CPEB3: variants seen among roughly 807,000 people sequenced by gnomAD.
The protein encoded by CPEB3 is cytoplasmic polyadenylation element-binding protein 3.
Under a neutral mutation model 67.2 loss-of-function variants are expected in CPEB3, and 20 were observed. That is an observed-to-expected ratio of 0.30 (90% confidence interval 0.21 to 0.43). The LOEUF is 0.43. CPEB3 is among the 20% of genes least tolerant of loss of function. The pLI, the probability that CPEB3 is intolerant of heterozygous loss-of-function variation, is 1.00. For missense variants in CPEB3, 746 were observed against 968.6 expected (o/e 0.77, Z 3.05); for synonymous variants, 376 against 393.1 (o/e 0.96, Z 0.51).
intron 4 of CPEB3, among the ~76,000 whole-genome samples, chr10:92,178,843 C>T (rs1250065830): frequency 2.0e-5 from 3 of 152,006 alleles, no homozygotes; most frequent in Non-Finnish European, 1.5e-5. Flanking sequence ...TGGCAGGTCC[C>T]ACAAGTACCT....
chr10:92,046,934 T>G lies in CPEB3; in HGVS notation c.*5278A>C, dbSNP rs1417350845. ...CAATACATTTAAAATTAGTTGTTAGTTGAAAAACAAATACAGAGATCCTAG... is the reference window on the plus strand; with the variant it reads ...CAATACATTTAAAATTAGTTGTTAGGTGAAAAACAAATACAGAGATCCTAG... On this transcript the variant is annotated 3_prime_UTR_variant, in exon 10 of 10. Transcript: ENST00000265997. 1 of 152,218 alleles carries G rather than the reference T, an allele frequency of 6.6e-6. No individual in the cohort carries two copies. The highest frequency in any genetic ancestry group is 6.5e-5 in the Admixed American group (1 of 15,282). The allele number at this position is 152,218 out of a possible 1,614,324, so 9.4% of individuals were successfully genotyped here.
rs146855379 is a variant in CPEB3, at chr10:92,103,777, T to C, written c.1572+7299A>G. Among the ~76,000 whole-genome samples, 276 of 152,372 alleles carry C rather than the reference T, an allele frequency of 1.8e-3. 1 individual carries two copies. Among genetic ancestry groups the C allele is most frequent in the African/African-American group, 6.4e-3 (268 of 41,584 alleles). On this transcript the variant is annotated intron_variant, in intron 7 of 9. Coordinates refer to ENST00000265997, the MANE Select transcript of CPEB3 (RefSeq NM_014912.5). ...GTGAAACTAGCACTGTATCCAGCTATTTTAACTTTCAGGTTCACAGTCTCA... is the reference window on the plus strand; with the variant it reads ...GTGAAACTAGCACTGTATCCAGCTACTTTAACTTTCAGGTTCACAGTCTCA...
chr10:92,161,247 GA>G (rs1196566538), intron 4 of CPEB3, among the ~76,000 whole-genome samples: 6 of 151,930 alleles, frequency 3.9e-5, no homozygotes, highest in Non-Finnish European at 5.9e-5. Flanking sequence ...GAGATGCTTA[GA>G]TTTTTTTTTG....
chr10:92,081,614 C>T (rs1414860990), intron 8 of CPEB3, 113 bp from the exon 9 acceptor site: 6 of 921,184 alleles, frequency 6.5e-6, no homozygotes, highest in South Asian at 3.5e-5. Context: ...AAGGAAAACC[C>T]ATGTTAAGTA....
intron 1 of CPEB3, among the ~76,000 whole-genome samples, chr10:92,288,646 T>C (rs145919045): frequency 3.9e-5 from 6 of 152,322 alleles, no homozygotes; most frequent in African/African-American, 7.2e-5. Context: ...AGAAAGCTGA[T>C]TTTTCATAAA....
At chr10:92,261,947 T>C (rs976171637) in intron 1 of CPEB3, among the ~76,000 whole-genome samples, 1 of 152,186 alleles carries the variant, frequency 6.6e-6, no homozygotes, top group South Asian at 2.1e-4. Context: ...ATACTACAAG[T>C]CTCCCAATGG....
chr10:92,146,351 A>G (rs911880409), intron 4 of CPEB3, among the ~76,000 whole-genome samples: 1 of 152,048 alleles, frequency 6.6e-6, no homozygotes, highest in Non-Finnish European at 1.5e-5. Flanking sequence ...AAAACTTTCC[A>G]CTAGGTTCCA....
At chr10:92,243,115 T>C (rs917040536) in intron 1 of CPEB3, 2 of 152,152 alleles carry the variant, frequency 1.3e-5, no homozygotes, top group Non-Finnish European at 2.9e-5. Context: ...ACAATAGATA[T>C]TCTTTTACAT....
chr10:92,156,620 G>A (rs970178467), intron 4 of CPEB3, among the ~76,000 whole-genome samples: 6 of 152,068 alleles, frequency 3.9e-5, no homozygotes, highest in African/African-American at 1.4e-4. Context: ...TTTCTTTCCT[G>A]ACAGTGATCA....
At chr10:92,090,818 G>C (rs1564769757) in intron 8 of CPEB3, among the ~76,000 whole-genome samples, 1 of 152,084 alleles carries the variant, frequency 6.6e-6, no homozygotes, top group Non-Finnish European at 1.5e-5. Context: ...TTCTCCGACT[G>C]CAGATAAAAG....
chr10:92,145,109 C>A (rs749406994), intron 4 of CPEB3, 24 bp from the exon 5 acceptor site: 2 of 1,612,056 alleles, frequency 1.2e-6, no homozygotes, highest in East Asian at 4.5e-5. Context: ...GAGAGAAGAT[C>A]GACCTGAAAC....
intron 8 of CPEB3, among the ~76,000 whole-genome samples, chr10:92,085,459 GC>G (rs1011727786): frequency 1.3e-5 from 2 of 152,172 alleles, no homozygotes; most frequent in African/African-American, 4.8e-5. Flanking sequence ...GCGTCACTGT[GC>G]CACAGACTGG....
chr10:92,253,018 G>A (rs76324475), intron 1 of CPEB3, among the ~76,000 whole-genome samples: 36 of 151,992 alleles, frequency 2.4e-4, no homozygotes, highest in African/African-American at 8.7e-4. Flanking sequence ...CCAACTTAAA[G>A]TTATAATAAA....
chr10:92,219,443 A>C (rs1009897276), intron 2 of CPEB3, among the ~76,000 whole-genome samples: 1 of 152,324 alleles, frequency 6.6e-6, no homozygotes, highest in South Asian at 2.1e-4. Flanking sequence ...GTATGCTTCA[A>C]CCTTCCATTA....
chr10:92,216,583 C>T lies in CPEB3; in HGVS notation c.1005+22763G>A, dbSNP rs1590413948. On this transcript the variant is annotated intron_variant, in intron 2 of 9. Transcript: ENST00000265997. ...AAGGGATCATGGTTTTGGCAGGAGA[C>T]ACACTGCCCATTGAGGTATACTGCC... The T allele has an allele frequency of 3.7e-6, 6 of 1,610,950 alleles. No homozygotes were observed. In the South Asian group the frequency reaches 4.4e-5, roughly 12 times the overall value.
intron 2 of CPEB3, chr10:92,216,704 T>C (rs1207131983): frequency 6.2e-7 from 1 of 1,605,668 alleles, no homozygotes. Context: ...GCGCCCCACC[T>C]GTGTGATAAT....
chr10:92,108,174 A>G (rs1285112999), intron 7 of CPEB3, among the ~76,000 whole-genome samples: 1 of 152,212 alleles, frequency 6.6e-6, no homozygotes, highest in African/African-American at 2.4e-5. Context: ...GGTCAGAAAA[A>G]ATGAAACAAC....
chr10:92,268,280 C>T (rs1853149914), intron 1 of CPEB3, among the ~76,000 whole-genome samples: 1 of 151,976 alleles, frequency 6.6e-6, no homozygotes, highest in South Asian at 2.1e-4. Flanking sequence ...TTACCTGTTC[C>T]TGATATTCAT....
At chr10:92,138,566 T>C (rs855697) in intron 6 of CPEB3, among the ~76,000 whole-genome samples, 127,198 of 150,776 alleles carry the variant, frequency 0.84, 54,276 homozygotes, top group African/African-American at 0.96. Flanking sequence ...CAAAAGACAA[T>C]ATACAAATGG....
Sources: gnomAD v4.1 joint callset for allele counts (sites outside exome capture counted in the v4.1 genomes callset) on GRCh38, gnomAD v4.1.1 for gene constraint, MANE v1.5 for transcripts, NCBI Gene and HGNC (gene_info 2026-07-23, HGNC 2026-07-21) for gene names.